Variants in ARB2A observed in about 807,000 individuals in gnomAD.
ARB2A encodes the protein ARB2 cotranscriptional regulator A.
chr5:93,824,199 C>A, the ARB2A span: 27 of 1,595,506 alleles, frequency 1.7e-5, no homozygotes, highest in Non-Finnish European at 2.2e-5. Flanking sequence ...AAAACACATT[C>A]TCAGCAGCAG....
chr5:93,982,174 A>C, the ARB2A span, among the ~76,000 whole-genome samples: 1 of 152,152 alleles, frequency 6.6e-6, no homozygotes, highest in African/African-American at 2.4e-5. Flanking sequence ...AGGCAGAAAA[A>C]AAATCACCTA....
the ARB2A span, among the ~76,000 whole-genome samples, chr5:93,700,646 A>G: frequency 6.6e-6 from 1 of 152,128 alleles, no homozygotes; most frequent in Non-Finnish European, 1.5e-5. Context: ...TGAAAGGAAA[A>G]TACTGACCAG....
At chr5:93,838,785 A>G in the ARB2A span, among the ~76,000 whole-genome samples, 1 of 151,996 alleles carries the variant, frequency 6.6e-6, no homozygotes, top group Non-Finnish European at 1.5e-5. Flanking sequence ...ATTCTTAGAT[A>G]TTTTATTCTT....
the ARB2A span, among the ~76,000 whole-genome samples, chr5:93,726,430 G>C: frequency 4.6e-5 from 7 of 152,016 alleles, no homozygotes; most frequent in African/African-American, 1.2e-4. Flanking sequence ...TGCTAGGGCA[G>C]AGAGAAGGCT....
the ARB2A span, chr5:93,958,712 T>A: frequency 8.6e-7 from 1 of 1,164,920 alleles, no homozygotes; most frequent in East Asian, 2.6e-5. Context: ...TGAAGAAACA[T>A]AAAAACATAT....
At chr5:94,009,274 G>C in the ARB2A span, among the ~76,000 whole-genome samples, 1 of 151,998 alleles carries the variant, frequency 6.6e-6, no homozygotes, top group Non-Finnish European at 1.5e-5. Context: ...GTATAGTCCA[G>C]AACAGTCAGT....
the ARB2A span, among the ~76,000 whole-genome samples, chr5:93,756,919 A>C: frequency 8.5e-5 from 13 of 152,212 alleles, no homozygotes; most frequent in Admixed American, 8.5e-4. Flanking sequence ...TTAGTTATTA[A>C]GCTAATCAGG....
the ARB2A span, among the ~76,000 whole-genome samples, chr5:93,706,305 T>C: frequency 6.6e-6 from 1 of 152,230 alleles, no homozygotes; most frequent in African/African-American, 2.4e-5. Flanking sequence ...AAAAGCCACA[T>C]ATTCTGTGAT....
At chr5:93,976,009 G>A in the ARB2A span, among the ~76,000 whole-genome samples, 4 of 152,022 alleles carry the variant, frequency 2.6e-5, no homozygotes, top group South Asian at 2.1e-4. Flanking sequence ...TTAGCAAATC[G>A]AATCCAGCAG....
At chr5:93,754,326 T>C in the ARB2A span, among the ~76,000 whole-genome samples, 1 of 152,224 alleles carries the variant, frequency 6.6e-6, no homozygotes, top group Non-Finnish European at 1.5e-5. Flanking sequence ...CTTACTAGAA[T>C]GTAAGCTCTG....
chr5:93,917,023 A>T, the ARB2A span, among the ~76,000 whole-genome samples: 1 of 152,198 alleles, frequency 6.6e-6, no homozygotes, highest in Non-Finnish European at 1.5e-5. Context: ...CAGCTTACAA[A>T]CATATTCTTT....
the ARB2A span, among the ~76,000 whole-genome samples, chr5:93,717,953 G>C: frequency 6.6e-6 from 1 of 151,220 alleles, no homozygotes; most frequent in Non-Finnish European, 1.5e-5. Context: ...TCCTGCCTCA[G>C]CCTCCTGAGT....
chr5:93,779,090 A>AGT, the ARB2A span, among the ~76,000 whole-genome samples: 32,056 of 143,196 alleles, frequency 0.22, 3,445 homozygotes, highest in Middle Eastern at 0.25. Flanking sequence ...GTCATTTCAG[A>AGT]GTGTGTGTGT....
chr5:94,018,597 T>A, the ARB2A span, among the ~76,000 whole-genome samples: 1 of 152,256 alleles, frequency 6.6e-6, no homozygotes, highest in East Asian at 1.9e-4. Context: ...GAGCATGAAA[T>A]GTTTTTCCAT....
chr5:93,878,640 T>A, the ARB2A span, among the ~76,000 whole-genome samples: 6 of 151,870 alleles, frequency 4.0e-5, no homozygotes, highest in Non-Finnish European at 8.8e-5. Flanking sequence ...TATATATACA[T>A]ATTTATAGAA....
chr5:93,968,820 T>C, the ARB2A span, among the ~76,000 whole-genome samples: 1 of 152,090 alleles, frequency 6.6e-6, no homozygotes, highest in African/African-American at 2.4e-5. Context: ...GGTGGAAATT[T>C]ACTTACAGAG....
the ARB2A span, among the ~76,000 whole-genome samples, chr5:93,885,269 A>G: frequency 6.6e-6 from 1 of 151,600 alleles, no homozygotes; most frequent in East Asian, 1.9e-4. Context: ...GGCATCAAGT[A>G]TAATATCTTA....
the ARB2A span, among the ~76,000 whole-genome samples, chr5:93,701,672 T>C: frequency 6.6e-6 from 1 of 152,126 alleles, no homozygotes; most frequent in African/African-American, 2.4e-5. Flanking sequence ...AGCACTGCAA[T>C]GCAAACATAT....
the ARB2A span, among the ~76,000 whole-genome samples, chr5:93,953,991 C>G: frequency 6.6e-6 from 1 of 152,090 alleles, no homozygotes. Flanking sequence ...CTTGTAAATG[C>G]TACCAGTCCT....
Sources: gnomAD v4.1 joint callset for allele counts (sites outside exome capture counted in the v4.1 genomes callset) on GRCh38, gnomAD v4.1.1 for gene constraint, MANE v1.5 for transcripts, NCBI Gene and HGNC (gene_info 2026-07-23, HGNC 2026-07-21) for gene names.